SLC35F1: variants seen among roughly 807,000 people sequenced by gnomAD.
SLC35F1 encodes chromosome 6 open reading frame 169.
Under a neutral mutation model 48.7 loss-of-function variants are expected in SLC35F1, and 14 were observed. The ratio of observed to expected loss-of-function variants is 0.29; its 90% CI spans 0.19 to 0.45. The LOEUF is 0.45. Among genes scored for constraint, SLC35F1 ranks in the 20% least tolerant of loss-of-function variants. The pLI, the probability that SLC35F1 is intolerant of heterozygous loss-of-function variation, is 1.00. For synonymous variants in SLC35F1, 190 were observed against 202.2 expected (o/e 0.94, Z 0.51); for missense variants, 404 against 500.0 (o/e 0.81, Z 1.83).
intron 1 of SLC35F1, among the ~76,000 whole-genome samples, chr6:117,971,204 C>T (rs1582592945): frequency 6.6e-6 from 1 of 152,172 alleles, no homozygotes; most frequent in African/African-American, 2.4e-5. Context: ...CGTGCAAGTC[C>T]GAAATCCAAT....
chr6:118,277,315 G>A (rs1775930029), intron 5 of SLC35F1, among the ~76,000 whole-genome samples, 179 bp from the exon 6 acceptor site: 1 of 152,184 alleles, frequency 6.6e-6, no homozygotes, highest in Non-Finnish European at 1.5e-5. Context: ...GGGTTCTTCA[G>A]GGATAAACTG....
intron 1 of SLC35F1, among the ~76,000 whole-genome samples, chr6:118,129,383 G>A (rs1326540544): frequency 6.6e-6 from 1 of 152,154 alleles, no homozygotes. Flanking sequence ...AGCCAGAGTG[G>A]CTGGAGATAA....
chr6:118,235,731 A>C, intron 3 of SLC35F1, 95 bp downstream of exon 3: 1 of 1,327,872 alleles, frequency 7.5e-7, no homozygotes, highest in Non-Finnish European at 1.0e-6. Context: ...ACAAGTTACT[A>C]TCTGTATACT....
rs559629313 is a variant in SLC35F1 at position 118,147,038 on chromosome 6, G to C, written c.174-7407G>C. ...AGGCTTGTATGTTCTACTTTATTAA[G>C]GCATACAATCGCAAGGAGCAGGATT... is the stretch of plus-strand genomic sequence containing the variant. On this transcript the variant is annotated intron_variant, in intron 1 of 7. Coordinates refer to ENST00000360388, the MANE Select transcript of SLC35F1 (RefSeq NM_001029858.4). Among the ~76,000 whole-genome samples, 60 of 152,228 alleles carry C rather than the reference G, an allele frequency of 3.9e-4. No homozygotes were observed. The South Asian group carries it at 5.2e-3, about 13-fold the overall frequency.
intron 1 of SLC35F1, among the ~76,000 whole-genome samples, chr6:118,130,937 T>A (rs1773700848): frequency 6.6e-6 from 1 of 152,220 alleles, no homozygotes; most frequent in African/African-American, 2.4e-5. Context: ...AAATTTTTCA[T>A]GCAATTACTT....
At chr6:118,113,418 T>C (rs1773436486) in intron 1 of SLC35F1, among the ~76,000 whole-genome samples, 1 of 152,096 alleles carries the variant, frequency 6.6e-6, no homozygotes, top group Admixed American at 6.6e-5. Context: ...CAATGTAGGT[T>C]CACTGGTTAT....
rs1775706529 is a variant in SLC35F1 at position 117,907,670 on chromosome 6, G to C, written c.-57G>C. On this transcript the variant is annotated 5_prime_UTR_variant, in exon 1 of 8. Transcript: ENST00000360388. The stretch of plus-strand genomic sequence containing the variant: ...TCTGCGCGTTCCCGGGCCCGGAACC[G>C]GCACACGATGCACCCGGCTGCGTTC... 1 of 1,110,414 alleles carries C rather than the reference G, an allele frequency of 9.0e-7. No individual in the cohort carries two copies. The highest frequency in any genetic ancestry group is 1.2e-6 in the Non-Finnish European group (1 of 810,904). 68.8% of individuals were successfully genotyped at this position (1,110,414 alleles called of 1,614,324 possible).
chr6:117,927,550 G>A (rs774358357), intron 1 of SLC35F1, among the ~76,000 whole-genome samples: 1 of 152,168 alleles, frequency 6.6e-6, no homozygotes, highest in Non-Finnish European at 1.5e-5. Context: ...GGGAGCAGGG[G>A]CTTCAAAAGA....
chr6:118,267,245 C>A, intron 4 of SLC35F1, 91 bp downstream of exon 4: 2 of 1,438,388 alleles, frequency 1.4e-6, no homozygotes. Flanking sequence ...AAAACAAGGA[C>A]CTTAGGAACC....
intron 7 of SLC35F1, among the ~76,000 whole-genome samples, chr6:118,307,958 G>T (rs2114668297): frequency 6.6e-6 from 1 of 152,314 alleles, no homozygotes; most frequent in East Asian, 1.9e-4. Flanking sequence ...TGTCAATGCT[G>T]AATTGTCCTC....
At chr6:118,313,888 T>A in intron 7 of SLC35F1, 140 bp from the exon 8 acceptor site, 1 of 714,760 alleles carries the variant, frequency 1.4e-6, no homozygotes. Flanking sequence ...GAAAATTCAT[T>A]CTCCATCAAC....
intron 1 of SLC35F1, among the ~76,000 whole-genome samples, chr6:118,094,066 G>A (rs755656632): frequency 1.1e-4 from 17 of 152,180 alleles, no homozygotes; most frequent in Non-Finnish European, 2.4e-4. Context: ...TTTGCAGGGT[G>A]GGTTTTTATC....
chr6:118,219,977 T>C (rs1273011935), intron 2 of SLC35F1, among the ~76,000 whole-genome samples: 1 of 151,880 alleles, frequency 6.6e-6, no homozygotes, highest in Non-Finnish European at 1.5e-5. Flanking sequence ...ATGAGAACAT[T>C]TGGACACAAG....
At chr6:118,199,698 G>T (rs973863838) in intron 2 of SLC35F1, among the ~76,000 whole-genome samples, 2 of 151,954 alleles carry the variant, frequency 1.3e-5, no homozygotes, top group African/African-American at 4.8e-5. Flanking sequence ...ATGTCTACAG[G>T]GAAATAATCA....
intron 1 of SLC35F1, among the ~76,000 whole-genome samples, chr6:118,134,351 A>G (rs1773761472): frequency 6.6e-6 from 1 of 152,150 alleles, no homozygotes; most frequent in South Asian, 2.1e-4. Context: ...TGCCTTTGAA[A>G]CACTTACTTT....
At chr6:118,084,979 T>C (rs9374714) in intron 1 of SLC35F1, among the ~76,000 whole-genome samples, 149,052 of 152,150 alleles carry the variant, frequency 0.98, 73,092 homozygotes, top group Middle Eastern at 1. Context: ...ACTGATTAAT[T>C]ATCCTTATTC....
At chr6:117,910,482 C>T (rs1775747751) in intron 1 of SLC35F1, among the ~76,000 whole-genome samples, 1 of 152,234 alleles carries the variant, frequency 6.6e-6, no homozygotes, top group Non-Finnish European at 1.5e-5. Flanking sequence ...CCTGTCCACT[C>T]ATTGTCTTCA....
At chr6:118,110,986 G>A (rs1773391325) in intron 1 of SLC35F1, among the ~76,000 whole-genome samples, 1 of 152,088 alleles carries the variant, frequency 6.6e-6, no homozygotes, top group Non-Finnish European at 1.5e-5. Flanking sequence ...TTCCTCCAGG[G>A]TAGGCCTTGT....
At chr6:117,998,815 A>C (rs2114864658) in intron 1 of SLC35F1, among the ~76,000 whole-genome samples, 1 of 152,368 alleles carries the variant, frequency 6.6e-6, no homozygotes, top group Non-Finnish European at 1.5e-5. Context: ...TGCCCACAAG[A>C]GAAAGCAGGA....
Sources: gnomAD v4.1 joint callset for allele counts (sites outside exome capture counted in the v4.1 genomes callset) on GRCh38, gnomAD v4.1.1 for gene constraint, MANE v1.5 for transcripts, NCBI Gene and HGNC (gene_info 2026-07-23, HGNC 2026-07-21) for gene names.